ASPRV1: variants seen among roughly 807,000 people sequenced by gnomAD.
ASPRV1 encodes aspartic peptidase retroviral like 1.
A neutral mutation model predicts 11.0 loss-of-function variants in ASPRV1; 7 were observed. The ratio of observed to expected loss-of-function variants is 0.64; its 90% CI spans 0.36 to 1.20. The LOEUF (loss-of-function observed/expected upper bound fraction) is 1.20. Ranked by LOEUF, ASPRV1 falls within the 50% of genes most tolerant of loss-of-function variation. The probability of loss-of-function intolerance (pLI) is 0.02; values close to 1 mark genes in which losing one functional copy is unlikely to be tolerated. For missense variants in ASPRV1, 299 were observed against 320.0 expected, an observed-to-expected ratio of 0.93 and a Z score of 0.50; for synonymous variants, 136 against 138.4, an observed-to-expected ratio of 0.98 and a Z score of 0.12.
the ASPRV1 span, among the ~76,000 whole-genome samples, chr2:69,946,062 A>ACCTGGAGATAGCC: frequency 2.0e-5 from 3 of 152,164 alleles, no homozygotes; most frequent in Non-Finnish European, 2.9e-5. Flanking sequence ...GCTGGGTGAC[A>ACCTGGAGATAGCC]CCTGGAGATA....
the ASPRV1 span, among the ~76,000 whole-genome samples, chr2:69,983,322 G>A: frequency 1.3e-5 from 2 of 152,224 alleles, no homozygotes; most frequent in African/African-American, 2.4e-5. Context: ...ATTTGGCCAA[G>A]AGCAAAGTAA....
chr2:69,999,826 C>T, the ASPRV1 span, among the ~76,000 whole-genome samples: 2 of 151,688 alleles, frequency 1.3e-5, no homozygotes, highest in East Asian at 1.9e-4. Flanking sequence ...CTGGCTCATC[C>T]TCTACCTGCT....
At chr2:70,068,984 A>G in the ASPRV1 span, 2 of 149,970 alleles carry the variant, frequency 1.3e-5, no homozygotes, top group African/African-American at 4.9e-5. Context: ...TTCCTTCGTC[A>G]GTAAACCAAA....
At chr2:70,077,638 G>T in the ASPRV1 span, among the ~76,000 whole-genome samples, 1 of 151,488 alleles carries the variant, frequency 6.6e-6, no homozygotes, top group Admixed American at 6.6e-5. Context: ...CAGATCACCC[G>T]ATGTCAGGAG....
chr2:70,055,700 G>C, the ASPRV1 span: 2 of 152,084 alleles, frequency 1.3e-5, no homozygotes, highest in Non-Finnish European at 2.9e-5. Flanking sequence ...CACACGTACA[G>C]CTATGTAACA....
chr2:69,993,759 T>C, the ASPRV1 span: 1 of 152,278 alleles, frequency 6.6e-6, no homozygotes, highest in African/African-American at 2.4e-5. Context: ...CCCTATGGAA[T>C]GGGACAATAA....
chr2:70,070,527 G>T, the ASPRV1 span: 1 of 152,260 alleles, frequency 6.6e-6, no homozygotes, highest in Admixed American at 6.6e-5. Flanking sequence ...GCTGGAAGTG[G>T]TGGCTCACGC....
chr2:69,951,243 G>A, the ASPRV1 span, among the ~76,000 whole-genome samples: 4 of 151,720 alleles, frequency 2.6e-5, no homozygotes, highest in Non-Finnish European at 4.4e-5. Context: ...GGCCAACTTG[G>A]TGAAACCCCG....
chr2:70,034,825 T>A, the ASPRV1 span: 1 of 152,114 alleles, frequency 6.6e-6, no homozygotes, highest in Non-Finnish European at 1.5e-5. Context: ...CTTCTAATCC[T>A]TACCCAGTCA....
At chr2:70,058,187 A>C in the ASPRV1 span, among the ~76,000 whole-genome samples, 1 of 152,308 alleles carries the variant, frequency 6.6e-6, no homozygotes, top group African/African-American at 2.4e-5. Flanking sequence ...TCTCAATGCT[A>C]TGGTCACCCT....
chr2:70,059,500 G>A, the ASPRV1 span: 1 of 152,136 alleles, frequency 6.6e-6, no homozygotes, highest in Non-Finnish European at 1.5e-5. Context: ...TGGCATCAGG[G>A]ACCCGTTTCA....
downstream of ASPRV1, among the ~76,000 whole-genome samples, chr2:69,956,126 C>T (rs1677930743): frequency 2.0e-5 from 3 of 152,168 alleles, no homozygotes; most frequent in South Asian, 6.2e-4. Flanking sequence ...GAGACAGGAG[C>T]CAGTTTGAAG....
chr2:70,023,541 C>G, the ASPRV1 span, among the ~76,000 whole-genome samples: 2 of 152,036 alleles, frequency 1.3e-5, no homozygotes, highest in Non-Finnish European at 2.9e-5. Context: ...GGCATGGTGG[C>G]ACACACCTGT....
the ASPRV1 span, chr2:69,938,461 C>A: frequency 1.7e-6 from 1 of 602,762 alleles, no homozygotes; most frequent in Non-Finnish European, 2.9e-6. Context: ...CTGATTGCAT[C>A]CACTAGCTTC....
At chr2:70,012,935 A>C in the ASPRV1 span, among the ~76,000 whole-genome samples, 2 of 152,258 alleles carry the variant, frequency 1.3e-5, no homozygotes, top group Non-Finnish European at 2.9e-5. Flanking sequence ...CATAGAAAAC[A>C]ACTGACAGTA....
chr2:69,963,077 C>A (rs1346811434), upstream of ASPRV1: 1 of 356,238 alleles, frequency 2.8e-6, no homozygotes, highest in Non-Finnish European at 5.6e-6. Flanking sequence ...CCCAGCAGTA[C>A]CCTGCCTTTG....
At position 69,961,519 on chromosome 2, in the gene ASPRV1, G is replaced by T; in HGVS notation, c.-83C>A. 6.2e-7 allele frequency: 1 copy of T among 1,614,172 alleles called. No homozygotes were observed. The highest frequency in any genetic ancestry group is 1.3e-5 in the African/African-American group (1 of 75,050). ...GAGCAGTGTCGGCGCAATCACGCTG[G>T]AAAACGGGGCCTCTCGAAGCAGAGT... On this transcript the variant is annotated 5_prime_UTR_variant, in exon 1 of 1. Coordinates refer to ENST00000320256, the MANE Select transcript of ASPRV1 (RefSeq NM_152792.4).
the ASPRV1 span, among the ~76,000 whole-genome samples, chr2:70,003,580 G>A: frequency 1.3e-5 from 2 of 152,208 alleles, no homozygotes; most frequent in Non-Finnish European, 2.9e-5. Context: ...AGTGGCTGTA[G>A]CTGAGCTGGA....
At chr2:70,018,795 A>G in the ASPRV1 span, among the ~76,000 whole-genome samples, 6 of 152,232 alleles carry the variant, frequency 3.9e-5, no homozygotes, top group Non-Finnish European at 7.3e-5. Context: ...AAAGACAAAC[A>G]TAAGACCTGA....
Sources: gnomAD v4.1 joint callset for allele counts (sites outside exome capture counted in the v4.1 genomes callset) on GRCh38, gnomAD v4.1.1 for gene constraint, MANE v1.5 for transcripts, NCBI Gene and HGNC (gene_info 2026-07-23, HGNC 2026-07-21) for gene names.